The following COL27A1 variants were observed in gnomAD, a reference collection of about 807,000 sequenced individuals.
COL27A1 encodes the protein collagen type XXVII alpha 1 chain.
COL27A1 carries 106 observed loss-of-function variants against 251.3 expected under a neutral mutation model. That is an observed-to-expected ratio of 0.42 (90% confidence interval 0.36 to 0.50). The LOEUF (loss-of-function observed/expected upper bound fraction) is 0.50. COL27A1 is among the 20% of genes least tolerant of loss of function. The pLI is 0.00. For missense variants in COL27A1, 2,325 were observed against 2,522.8 expected, an observed-to-expected ratio of 0.92 and a Z score of 1.68; for synonymous variants, 1,000 against 986.3, an observed-to-expected ratio of 1.01 and a Z score of -0.26.
intron 2 of COL27A1, among the ~76,000 whole-genome samples, chr9:114,163,001 C>T (rs984049643): frequency 1.3e-4 from 19 of 151,884 alleles, no homozygotes; most frequent in South Asian, 2.1e-4. Flanking sequence ...TTTGGGAGGC[C>T]GAGGTGGGTG....
intron 32 of COL27A1, 130 bp from the exon 33 acceptor site, chr9:114,266,435 C>T: frequency 1.5e-6 from 1 of 664,940 alleles, no homozygotes. Context: ...CTCGGTGTGG[C>T]TGGGGCGGAC....
At chr9:114,302,760 G>A (rs904990705) in intron 56 of COL27A1, among the ~76,000 whole-genome samples, 1 of 150,876 alleles carries the variant, frequency 6.6e-6, no homozygotes, top group Non-Finnish European at 1.5e-5. Flanking sequence ...GTCGGGCCAG[G>A]GGGGCAGATT....
chr9:114,209,626 C>A (rs1450396583), intron 10 of COL27A1, 49 bp from the exon 11 acceptor site: 4 of 1,583,116 alleles, frequency 2.5e-6, no homozygotes, highest in Non-Finnish European at 3.5e-6. Context: ...GTTGGGCCAG[C>A]CACACCTCAC....
intron 3 of COL27A1, among the ~76,000 whole-genome samples, chr9:114,175,974 C>T (rs1198709987): frequency 1.3e-5 from 2 of 152,186 alleles, no homozygotes; most frequent in Non-Finnish European, 2.9e-5. Context: ...CACAGATGTC[C>T]AGAGAAGAGA....
At chr9:114,241,258 AC>A (rs1832733882) in intron 21 of COL27A1, among the ~76,000 whole-genome samples, 1 of 152,244 alleles carries the variant, frequency 6.6e-6, no homozygotes, top group Admixed American at 6.5e-5. Flanking sequence ...GGCCCCCGTG[AC>A]ACACAGCCCT....
At position 114,167,729 on chromosome 9, in the gene COL27A1, G is replaced by A; in HGVS notation, c.174G>A (p.Lys58=). ...ILQRLGLSWT[K]AGSPAPPGVI... ...AGCGGCTGGGCCTCAGCTGGACGAA[G>A]GCCGGGAGCCCTGCACCCCCGGGAG... is the stretch of plus-strand genomic sequence containing the variant. The change falls in exon 3 of 61, where the codon AAG becomes AAA. Residue 58 remains lysine, a synonymous_variant. Coordinates refer to ENST00000356083, the MANE Select transcript of COL27A1 (RefSeq NM_032888.4). The A allele has an allele frequency of 6.2e-7, 1 of 1,613,614 alleles. No homozygotes were observed. The highest frequency in any genetic ancestry group is 8.5e-7 in the Non-Finnish European group (1 of 1,179,816).
chr9:114,163,729 A>G (rs1848646501), intron 2 of COL27A1, among the ~76,000 whole-genome samples: 1 of 152,170 alleles, frequency 6.6e-6, no homozygotes, highest in Non-Finnish European at 1.5e-5. Context: ...CTGGGAGGGC[A>G]GGGCTGTGCC....
intron 1 of COL27A1, among the ~76,000 whole-genome samples, chr9:114,158,888 T>C (rs953247181): frequency 6.6e-6 from 1 of 152,248 alleles, no homozygotes; most frequent in Non-Finnish European, 1.5e-5. Flanking sequence ...AAAAGGACTA[T>C]CTGTTAAGTC....
At chr9:114,252,524 C>T (rs1003876865) in intron 25 of COL27A1, 69 bp from the exon 26 acceptor site, 2 of 1,379,876 alleles carry the variant, frequency 1.4e-6, no homozygotes, top group South Asian at 1.2e-5. Flanking sequence ...TGGCCCTCTG[C>T]ACCTGCCTCC....
At chr9:114,225,802 G>A (rs1057409721) in intron 14 of COL27A1, among the ~76,000 whole-genome samples, 10 of 152,188 alleles carry the variant, frequency 6.6e-5, no homozygotes, top group South Asian at 2.1e-4. Flanking sequence ...CCTTCCTTCC[G>A]TCCCCCGGGT....
intron 39 of COL27A1, 49 bp from the exon 40 acceptor site, chr9:114,283,660 C>G (rs377623928): frequency 3.8e-6 from 6 of 1,566,860 alleles, no homozygotes; most frequent in African/African-American, 1.4e-5. Context: ...GCTGTGTCCC[C>G]GCTGTGAGAG....
intron 36 of COL27A1, among the ~76,000 whole-genome samples, chr9:114,275,223 C>A (rs951588532): frequency 6.6e-6 from 1 of 151,958 alleles, no homozygotes; most frequent in Admixed American, 6.6e-5. Flanking sequence ...ATAATTGCGC[C>A]TCTGCACTCC....
At chr9:114,228,099 T>G (rs1362020533) in intron 14 of COL27A1, among the ~76,000 whole-genome samples, 1 of 152,140 alleles carries the variant, frequency 6.6e-6, no homozygotes, top group Non-Finnish European at 1.5e-5. Flanking sequence ...GGCAGGTCCC[T>G]GCCCCCACCA....
At chr9:114,307,264 G>C in intron 58 of COL27A1, 1 of 183,244 alleles carries the variant, frequency 5.5e-6, no homozygotes. Context: ...AGCAGCGCTG[G>C]CTGATGGGGT....
At chr9:114,174,830 C>A (rs1366424377) in intron 3 of COL27A1, among the ~76,000 whole-genome samples, 1 of 152,154 alleles carries the variant, frequency 6.6e-6, no homozygotes, top group Non-Finnish European at 1.5e-5. Context: ...AGTCTGGGTG[C>A]CCTGTGTGAA....
chr9:114,287,651 G>A (rs995280092), intron 41 of COL27A1, among the ~76,000 whole-genome samples: 6 of 152,236 alleles, frequency 3.9e-5, no homozygotes, highest in South Asian at 4.2e-4. Flanking sequence ...TTTCCTCACC[G>A]AGTCCCCTGA....
intron 14 of COL27A1, 68 bp downstream of exon 14, chr9:114,222,335 G>C (rs1831173050): frequency 1.4e-6 from 2 of 1,441,220 alleles, no homozygotes; most frequent in Admixed American, 1.7e-5. Flanking sequence ...CAGCGTGTGG[G>C]GAGCCAGGAG....
intron 5 of COL27A1, among the ~76,000 whole-genome samples, chr9:114,191,808 C>A (rs905751782): frequency 6.6e-6 from 1 of 152,172 alleles, no homozygotes; most frequent in Admixed American, 6.5e-5. Flanking sequence ...TTATTCCTAC[C>A]GTGCCTTAGC....
intron 37 of COL27A1, among the ~76,000 whole-genome samples, chr9:114,279,677 A>G (rs575222499): frequency 1.1e-4 from 15 of 141,766 alleles, no homozygotes; most frequent in African/African-American, 2.8e-4. Context: ...TGTTTCTATA[A>G]CAATTAAATT....
Sources: gnomAD v4.1 joint callset for allele counts (sites outside exome capture counted in the v4.1 genomes callset) on GRCh38, gnomAD v4.1.1 for gene constraint, MANE v1.5 for transcripts, NCBI Gene and HGNC (gene_info 2026-07-23, HGNC 2026-07-21) for gene names.